Variants in PLAT observed in about 807,000 individuals in gnomAD.
PLAT encodes plasminogen activator, tissue type, also known as tissue-type plasminogen activator.
In PLAT, 48 loss-of-function variants were observed where a neutral mutation model predicts 74.9. The observed-to-expected ratio is 0.64, with a 90% confidence interval of 0.51 to 0.82. PLAT has a LOEUF of 0.82. Among genes scored for constraint, PLAT ranks in the 40% least tolerant of loss-of-function variants. The pLI is 0.00. For synonymous variants in PLAT, 307 were observed against 294.4 expected, an observed-to-expected ratio of 1.04 and a Z score of -0.44; for missense variants, 673 against 736.2, an observed-to-expected ratio of 0.91 and a Z score of 0.99.
chr8:42,187,297 G>T, intron 6 of PLAT, 101 bp downstream of exon 6: 6 of 945,446 alleles, frequency 6.3e-6, no homozygotes, highest in African/African-American at 1.6e-5. Flanking sequence ...ATCCTGTATT[G>T]GTTATGTTTC....
At position 42,188,872 on chromosome 8, in the gene PLAT, A is replaced by G; in HGVS notation, c.253+62T>C. The G allele has an allele frequency of 5.4e-6, 8 of 1,477,188 alleles. No homozygotes were observed. In the South Asian group the frequency reaches 8.0e-5, roughly 15 times the overall value. The allele number at this position is 1,477,188 out of a possible 1,614,324, so 91.5% of individuals were successfully genotyped here. On this transcript the variant is annotated intron_variant, in intron 4 of 13. Transcript: ENST00000220809. ...ACTCCCGGGCTCCAGCGACCCTCCCACCTTGGCCTCCTAAAGTGCTGGGAT... is the reference window on the plus strand; with the variant it reads ...ACTCCCGGGCTCCAGCGACCCTCCCGCCTTGGCCTCCTAAAGTGCTGGGAT...
At position 42,176,130 on chromosome 8, in the gene PLAT, C is replaced by T. The variant is rs780035549; in HGVS notation, c.1552G>A (p.Val518Met). 6.2e-7 allele frequency: 1 copy of T among 1,613,802 alleles called. No individual in the cohort carries two copies. Among genetic ancestry groups the T allele is most frequent in the Non-Finnish European group, 8.5e-7 (1 of 1,179,844 alleles). ...GTCATGCGGCCATCGTTCAGACACA[C>T]CAGGGGGCCTCCCGAATCGCCCTGC... ...ACQGDSGGPL[V>M]CLNDGRMTLV... is the part of the protein sequence containing the mutation. The change falls in exon 14 of 14, where the codon GTG (valine) becomes ATG (methionine). Residue 518 changes from valine (V) to methionine (M), a missense_variant. Transcript: ENST00000220809.
rs542778715 is a variant in PLAT at position 42,182,844 on chromosome 8, C to T, written c.678G>A (p.Thr226=). ...AGGCACCCGACTCGGTGAGGCTGTGCGTGCCACGGTAGGCTGACCCATTCC... is the reference window on the plus strand; with the variant it reads ...AGGCACCCGACTCGGTGAGGCTGTGTGTGCCACGGTAGGCTGACCCATTCC... ...YFGNGSAYRG[T]HSLTESGASC... Residue 226 remains threonine (T), a synonymous_variant, in exon 8 of 14, where the codon ACG becomes ACA. Transcript: ENST00000220809. 6 of 1,613,430 alleles carry T rather than the reference C, an allele frequency of 3.7e-6. No homozygotes were observed. The highest frequency in any genetic ancestry group is 2.2e-5 in the South Asian group (2 of 91,060).
At chr8:42,203,994 C>T (rs191048734) in intron 1 of PLAT, among the ~76,000 whole-genome samples, 10,685 of 84,718 alleles carry the variant, frequency 0.13, 401 homozygotes, top group Non-Finnish European at 0.15. Flanking sequence ...TATATATATA[C>T]ACACACACAC....
At chr8:42,190,101 G>A (rs1393042437) in intron 3 of PLAT, among the ~76,000 whole-genome samples, 3 of 151,888 alleles carry the variant, frequency 2.0e-5, no homozygotes, top group Admixed American at 2.0e-4. Context: ...TTGTAGAGGC[G>A]GGGTGGGGTG....
chr8:42,203,498 A>G (rs949811544), intron 1 of PLAT, among the ~76,000 whole-genome samples: 2 of 152,194 alleles, frequency 1.3e-5, no homozygotes, highest in Non-Finnish European at 2.9e-5. Flanking sequence ...GAGTTCAAAA[A>G]TGTTTCTAAA....
chr8:42,188,053 C>T, intron 4 of PLAT, 37 bp from the exon 5 acceptor site: 1 of 1,283,314 alleles, frequency 7.8e-7, no homozygotes, highest in Non-Finnish European at 1.1e-6. Flanking sequence ...TAATGACAGC[C>T]TCCTTCTGTG....
intron 1 of PLAT, among the ~76,000 whole-genome samples, chr8:42,205,526 CA>C (rs915248914): frequency 3.4e-5 from 5 of 148,204 alleles, no homozygotes; most frequent in African/African-American, 9.9e-5. Context: ...AACTCCGTCT[CA>C]AAAAAAAAAG....
In PLAT at chr8:42,187,393, C is replaced by T; in HGVS notation, c.539+5G>A. The T allele has an allele frequency of 6.4e-7, 1 of 1,569,680 alleles. No homozygotes were observed. Among genetic ancestry groups the T allele is most frequent in the South Asian group, 1.1e-5 (1 of 88,160 alleles). ...GGGAATCCCTCCTTGGGGATGTGCC[C>T]TCACCTGCAGTAGTTGTGGTTCCCC... On this transcript the variant is annotated splice_donor_5th_base_variant and intron_variant, in intron 6 of 13. Transcript: ENST00000220809.
In PLAT at chr8:42,175,886, T is replaced by C; in HGVS notation, c.*107A>G. 1.9e-6 allele frequency: 2 copies of C among 1,037,878 alleles called. No homozygotes were observed. The highest frequency in any genetic ancestry group is 1.4e-6 in the Non-Finnish European group (1 of 689,776). The allele number at this position is 1,037,878 out of a possible 1,614,324, so 64.3% of individuals were successfully genotyped here. A position where few individuals can be genotyped will look rare whatever the true frequency, so the allele number is the denominator to read the frequency against. ...GTAGGGTCTCGTCCCGCTTCTGCGG[T>C]GTGGTGGGTCTGGAGAAGTCTGTAG... On this transcript the variant is annotated 3_prime_UTR_variant, in exon 14 of 14. Coordinates refer to ENST00000220809, the MANE Select transcript of PLAT (RefSeq NM_000930.5).
chr8:42,188,058 T>C (rs1805553112), intron 4 of PLAT, 42 bp from the exon 5 acceptor site: 2 of 1,209,050 alleles, frequency 1.7e-6, no homozygotes, highest in Non-Finnish European at 1.2e-6. Context: ...ACAGCCTCCT[T>C]CTGTGTGCTC....
intron 13 of PLAT, among the ~76,000 whole-genome samples, chr8:42,177,645 T>C (rs576233954): frequency 9.8e-5 from 15 of 152,356 alleles, no homozygotes; most frequent in African/African-American, 2.4e-4. Context: ...AGTAAAACTC[T>C]TGGTAATTGT....
At chr8:42,199,561 C>G (rs1418233523) in intron 1 of PLAT, among the ~76,000 whole-genome samples, 1 of 150,174 alleles carries the variant, frequency 6.7e-6, no homozygotes, top group African/African-American at 2.5e-5. Context: ...TGGAATTAAA[C>G]TCAGAAAAAG....
At chr8:42,194,595 G>A (rs1368340422) in intron 1 of PLAT, among the ~76,000 whole-genome samples, 1 of 152,200 alleles carries the variant, frequency 6.6e-6, no homozygotes, top group African/African-American at 2.4e-5. Flanking sequence ...GGGAATTCCT[G>A]CCCTGGGCTT....
chr8:42,177,304 C>T (rs760003486), intron 13 of PLAT, among the ~76,000 whole-genome samples: 5 of 152,202 alleles, frequency 3.3e-5, no homozygotes, highest in African/African-American at 7.2e-5. Flanking sequence ...TTTTGTTATA[C>T]GTCATTTCAC....
At chr8:42,197,493 G>A (rs1281387859) in intron 1 of PLAT, among the ~76,000 whole-genome samples, 2 of 152,240 alleles carry the variant, frequency 1.3e-5, no homozygotes, top group Non-Finnish European at 2.9e-5. Flanking sequence ...CTGTTTCCCA[G>A]AGCCAAGGAT....
chr8:42,190,608 G>T lies in PLAT; in HGVS notation c.115+764C>A, dbSNP rs569644339. ...AGCAGGATGCCATCCAACAACGAAGGCATTAAGAGTCCAGGTGTGACTCGC... is the reference window on the plus strand; with the variant it reads ...AGCAGGATGCCATCCAACAACGAAGTCATTAAGAGTCCAGGTGTGACTCGC... On this transcript the variant is annotated intron_variant, in intron 3 of 13. Transcript: ENST00000220809. 2.0e-5 allele frequency among the ~76,000 whole-genome samples: 3 copies of T among 152,292 alleles called. No individual in the cohort carries two copies. In the South Asian group the frequency reaches 6.2e-4, roughly 32 times the overall value.
At chr8:42,190,575 T>C (rs8178740) in intron 3 of PLAT, among the ~76,000 whole-genome samples, 1,864 of 152,316 alleles carry the variant, frequency 0.012, 38 homozygotes, top group African/African-American at 0.041. Flanking sequence ...CAGGATAACC[T>C]GGTAGGAAGC....
rs1387437903 is a variant in PLAT, at chr8:42,180,019, T to G, written c.1270A>C (p.Ser424Arg). Residue 424 changes from serine to arginine, a missense_variant, in exon 12 of 14, where the codon AGC (serine) becomes CGC (arginine). Transcript: ENST00000220809. The part of the protein sequence containing the change: ...SDSSRCAQES[S>R]VVRTVCLPPA... ...GGAAGGCACACAGTGCGGACCACGC[T>G]GCTCTCCTGGGCACAGCGGGACGAA... is the stretch of plus-strand genomic sequence containing the variant. The G allele has an allele frequency of 6.2e-7, 1 of 1,610,402 alleles. No individual in the cohort carries two copies. The highest frequency in any genetic ancestry group is 1.3e-5 in the African/African-American group (1 of 74,858).
Sources: gnomAD v4.1 joint callset for allele counts (sites outside exome capture counted in the v4.1 genomes callset) on GRCh38, gnomAD v4.1.1 for gene constraint, MANE v1.5 for transcripts, NCBI Gene and HGNC (gene_info 2026-07-23, HGNC 2026-07-21) for gene names.